Variants in GDI2 observed in about 807,000 individuals in gnomAD.
The protein encoded by GDI2 is GDP dissociation inhibitor 2.
In GDI2, 22 loss-of-function variants were observed where a neutral mutation model predicts 54.2. That is an observed-to-expected ratio of 0.41 (90% CI 0.29 to 0.58). The LOEUF (loss-of-function observed/expected upper bound fraction) is 0.58. Among genes scored for constraint, GDI2 ranks in the 20% least tolerant of loss-of-function variants. GDI2 has a pLI of 0.35. For missense variants in GDI2, 422 were observed against 546.0 expected, an observed-to-expected ratio of 0.77 and a Z score of 2.26; for synonymous variants, 177 against 182.1, an observed-to-expected ratio of 0.97 and a Z score of 0.23.
At position 5,768,973 on chromosome 10, in the gene GDI2, G is replaced by C. The variant is rs1259287353; in HGVS notation, c.820-589C>G. On this transcript the variant is annotated intron_variant, in intron 7 of 10. Transcript: ENST00000380191. This position sits in a 1 kb window ranked among gnomAD's most constrained non-coding sequence, Gnocchi z 4.4. ...CAAAGGAAAGAATTCATGAAAACAG[G>C]ATTTCATGAAAATTTTAAAAATCTT... The C allele has an allele frequency of 6.6e-6, 1 of 152,118 alleles. No homozygotes were observed. Among genetic ancestry groups the C allele is most frequent in the African/African-American group, 2.4e-5 (1 of 41,404 alleles). The allele number at this position is 152,118 out of a possible 1,614,324, so 9.4% of individuals were successfully genotyped here.
chr10:5,799,313 G>C (rs546074496), intron 2 of GDI2, among the ~76,000 whole-genome samples: 2 of 152,330 alleles, frequency 1.3e-5, no homozygotes, highest in African/African-American at 4.8e-5. Flanking sequence ...CTTCAGCCTG[G>C]GCAACAGGGC....
chr10:5,772,889 A>G (rs1209647676), intron 7 of GDI2, among the ~76,000 whole-genome samples: 1 of 152,132 alleles, frequency 6.6e-6, no homozygotes, highest in African/African-American at 2.4e-5. Flanking sequence ...CCTTAATTCC[A>G]ATTCTACCTC....
rs773186152 is a variant in GDI2, at chr10:5,766,303, G to C, written c.1137-8C>G. 1.9e-6 allele frequency: 3 copies of C among 1,610,266 alleles called. No homozygotes were observed. The highest frequency in any genetic ancestry group is 1.7e-6 in the Non-Finnish European group (2 of 1,176,488). The stretch of plus-strand genomic sequence containing the variant: ...TCACTGATGCTAACAAATCTGGAGG[G>C]AGAGAGAATTCAGTCAGGTGAGCTG... On this transcript the variant is annotated splice_region_variant and splice_polypyrimidine_tract_variant and intron_variant, in intron 9 of 10. Coordinates refer to ENST00000380191, the MANE Select transcript of GDI2 (RefSeq NM_001494.4). The surrounding 1 kb of genome is among the most constrained non-coding windows in gnomAD (Gnocchi z 5.8).
At chr10:5,778,077 T>G (rs540749869) in intron 6 of GDI2, among the ~76,000 whole-genome samples, 1 of 151,666 alleles carries the variant, frequency 6.6e-6, no homozygotes, top group African/African-American at 2.4e-5. Context: ...TAAGTGGGAG[T>G]TGAACAATGA....
chr10:5,813,206 G>A lies in GDI2; in HGVS notation c.45+8C>T, dbSNP rs771213150. On this transcript the variant is annotated splice_region_variant and intron_variant, in intron 1 of 10. Transcript: ENST00000380191. Reference sequence around the variant, plus strand: ...GCTCAGCCCCGGCCCCTCAGCCCTGGCGCCCACCGTCAGGCCGGTGCCCAG... The same window carrying A: ...GCTCAGCCCCGGCCCCTCAGCCCTGACGCCCACCGTCAGGCCGGTGCCCAG... 9 of 1,566,960 alleles carry A rather than the reference G, an allele frequency of 5.7e-6. No individual in the cohort carries two copies. The highest frequency in any genetic ancestry group is 1.7e-4 in the Middle Eastern group (1 of 5,924).
At chr10:5,794,537 T>C (rs1226341138) in intron 4 of GDI2, among the ~76,000 whole-genome samples, 1 of 151,924 alleles carries the variant, frequency 6.6e-6, no homozygotes, top group Non-Finnish European at 1.5e-5. Context: ...GAAAACAATA[T>C]GGAGTGTTCA....
chr10:5,808,726 TACACACAC>T (rs111237506), intron 1 of GDI2, among the ~76,000 whole-genome samples: 10 of 138,318 alleles, frequency 7.2e-5, no homozygotes, highest in South Asian at 2.3e-4. Context: ...AAACTACAAA[TACACACAC>T]ACACACACAC....
intron 6 of GDI2, among the ~76,000 whole-genome samples, chr10:5,778,077 T>C (rs540749869): frequency 2.6e-5 from 4 of 151,784 alleles, no homozygotes; most frequent in Middle Eastern, 3.4e-3. Flanking sequence ...TAAGTGGGAG[T>C]TGAACAATGA....
At chr10:5,794,844 A>C (rs755119843) in intron 4 of GDI2, 41 bp downstream of exon 4, 7 of 1,374,750 alleles carry the variant, frequency 5.1e-6, no homozygotes, top group Non-Finnish European at 7.2e-6. Context: ...CATTATTCTG[A>C]GAAAATAAAA....
chr10:5,775,841 C>T (rs1394046316), intron 6 of GDI2, among the ~76,000 whole-genome samples: 3 of 152,144 alleles, frequency 2.0e-5, no homozygotes, highest in South Asian at 2.1e-4. Flanking sequence ...GTCATGGCAC[C>T]GTGCGTGGCA....
chr10:5,770,278 T>G (rs995038851), intron 7 of GDI2, among the ~76,000 whole-genome samples: 10 of 152,050 alleles, frequency 6.6e-5, no homozygotes, highest in African/African-American at 1.2e-4. Context: ...GAAAAGTGAG[T>G]GTGGGCACAG....
In GDI2 at chr10:5,776,892, G is replaced by T. The variant is rs1420705417; in HGVS notation, c.720-2951C>A. ...GAAGGCCAGAGAAGAGGGGAGAAGA[G>T]GAAATAATGCGAAAACAGTTAATCC... is the stretch of plus-strand genomic sequence containing the variant. On this transcript the variant is annotated intron_variant, in intron 6 of 10. Transcript: ENST00000380191. The surrounding 1 kb of genome is among the most constrained non-coding windows in gnomAD (Gnocchi z 5.3). 1 of 901,646 alleles carries T rather than the reference G, an allele frequency of 1.1e-6. No individual in the cohort carries two copies. The highest frequency in any genetic ancestry group is 1.7e-5 in the African/African-American group (1 of 58,826). The allele number at this position is 901,646 out of a possible 1,614,324, so 55.9% of individuals were successfully genotyped here. A position where few individuals can be genotyped will look rare whatever the true frequency, so the allele number is the denominator to read the frequency against.
chr10:5,769,294 G>C (rs1840432078), intron 7 of GDI2: 1 of 152,190 alleles, frequency 6.6e-6, no homozygotes, highest in Admixed American at 6.5e-5. Context: ...TCAAAGGGCT[G>C]GGCGCGGTGG....
At chr10:5,794,745 T>G in intron 4 of GDI2, 140 bp downstream of exon 4, 1 of 644,558 alleles carries the variant, frequency 1.6e-6, no homozygotes. Context: ...TGTTCCCAAC[T>G]GCCTAGAACA....
In GDI2 at chr10:5,774,569, G is replaced by C. The variant is rs181997350; in HGVS notation, c.720-628C>G. Among the ~76,000 whole-genome samples the C allele has an allele frequency of 6.6e-6, 1 of 151,916 alleles. No homozygotes were observed. Among genetic ancestry groups the C allele is most frequent in the African/African-American group, 2.4e-5 (1 of 41,340 alleles). On this transcript the variant is annotated intron_variant, in intron 6 of 10. Transcript: ENST00000380191. The surrounding 1 kb of genome is among the most constrained non-coding windows in gnomAD (Gnocchi z 4.8). ...ACCAATCACCGGAACAGTTCCTCTC[G>C]GCCGCAGCGGCTCTGCATCCATAGC... is the stretch of plus-strand genomic sequence containing the variant.
At chr10:5,793,656 C>CA (rs1184473518) in intron 4 of GDI2, among the ~76,000 whole-genome samples, 1 of 152,180 alleles carries the variant, frequency 6.6e-6, no homozygotes, top group Non-Finnish European at 1.5e-5. Context: ...AACTTATGAG[C>CA]ACTTTCCCTC....
intron 6 of GDI2, among the ~76,000 whole-genome samples, chr10:5,780,382 T>C (rs1469937556): frequency 6.6e-6 from 1 of 151,382 alleles, no homozygotes; most frequent in African/African-American, 2.4e-5. Flanking sequence ...AGGACGTCCA[T>C]TCTCATCCCT....
Position 5,765,598 on chromosome 10 carries a change from C to T in GDI2, c.*408G>A, listed in dbSNP as rs115550523. The T allele has an allele frequency of 5.1e-3, 802 of 156,420 alleles. 7 individuals are homozygous for T. Among genetic ancestry groups the T allele is most frequent in the African/African-American group, 0.018 (769 of 41,684 alleles). 9.7% of individuals were successfully genotyped at this position (156,420 alleles called of 1,614,324 possible). A position where few individuals can be genotyped will look rare whatever the true frequency, so the allele number is the denominator to read the frequency against. ...AAAACTTCCGGATGCTGTCCCAAACCGTGGAATATTCAATTTAGAATCTCC... is the reference window on the plus strand; with the variant it reads ...AAAACTTCCGGATGCTGTCCCAAACTGTGGAATATTCAATTTAGAATCTCC... On this transcript the variant is annotated 3_prime_UTR_variant, in exon 11 of 11. Transcript: ENST00000380191.
chr10:5,804,497 A>G (rs905252087), intron 1 of GDI2, among the ~76,000 whole-genome samples: 1 of 152,204 alleles, frequency 6.6e-6, no homozygotes, highest in Non-Finnish European at 1.5e-5. Flanking sequence ...CAGCACTCTC[A>G]TAATTTCTAA....
Sources: allele counts gnomAD v4.1 joint callset (sites outside exome capture counted in the v4.1 genomes callset), GRCh38; gene constraint gnomAD v4.1.1; non-coding constraint Gnocchi (gnomAD v3.1); transcripts MANE v1.5; gene names NCBI Gene and HGNC (gene_info 2026-07-23, HGNC 2026-07-21).